Variants in LSAMP observed in about 807,000 individuals in gnomAD.
LSAMP encodes limbic system associated membrane protein.
LSAMP carries 7 observed loss-of-function variants against 38.6 expected under a neutral mutation model. The ratio of observed to expected loss-of-function variants is 0.18; its 90% CI spans 0.10 to 0.34. LSAMP has a LOEUF of 0.34. LSAMP is among the 10% of genes least tolerant of loss of function. LSAMP has a pLI of 1.00. For missense variants in LSAMP, 313 were observed against 420.0 expected, an observed-to-expected ratio of 0.75 and a Z score of 2.23; for synonymous variants, 154 against 166.8, an observed-to-expected ratio of 0.92 and a Z score of 0.59.
At chr3:115,817,070 A>G (rs1934052936) in intron 6 of LSAMP, among the ~76,000 whole-genome samples, 3 of 152,222 alleles carry the variant, frequency 2.0e-5, no homozygotes, top group Non-Finnish European at 4.4e-5. Context: ...CCAACAGATC[A>G]AGTCTATTCC....
chr3:116,431,665 A>G (rs1329309848), intron 1 of LSAMP, among the ~76,000 whole-genome samples: 1 of 152,070 alleles, frequency 6.6e-6, no homozygotes, highest in Admixed American at 6.6e-5. Context: ...TATTCTAATC[A>G]CGTCTTCATA....
intron 3 of LSAMP, among the ~76,000 whole-genome samples, chr3:115,977,679 G>A (rs1391230162): frequency 2.0e-5 from 3 of 150,254 alleles, no homozygotes; most frequent in Non-Finnish European, 4.4e-5. Flanking sequence ...TGTCCAAGCT[G>A]GGTATAACAT....
At chr3:116,192,711 A>G (rs1385185441) in intron 1 of LSAMP, among the ~76,000 whole-genome samples, 1 of 152,140 alleles carries the variant, frequency 6.6e-6, no homozygotes, top group Non-Finnish European at 1.5e-5. Flanking sequence ...CCTACTCCAA[A>G]TCATTTCTGT....
At chr3:116,403,674 T>C (rs993547568) in intron 1 of LSAMP, among the ~76,000 whole-genome samples, 2 of 152,214 alleles carry the variant, frequency 1.3e-5, no homozygotes, top group African/African-American at 4.8e-5. Context: ...TCAAGATTTA[T>C]GCAGTGAATG....
intron 1 of LSAMP, among the ~76,000 whole-genome samples, chr3:116,347,006 T>C (rs2048071721): frequency 6.6e-6 from 1 of 152,100 alleles, no homozygotes; most frequent in African/African-American, 2.4e-5. Flanking sequence ...TTTTGAAAAA[T>C]ATACAAATGA....
At chr3:116,056,942 CA>C (rs946112316) in intron 2 of LSAMP, among the ~76,000 whole-genome samples, 4 of 151,558 alleles carry the variant, frequency 2.6e-5, no homozygotes, top group East Asian at 1.9e-4. Context: ...GAGAATGACA[CA>C]AAAAAAATGG....
chr3:116,275,550 C>T (rs937979158), intron 1 of LSAMP, among the ~76,000 whole-genome samples: 1 of 149,170 alleles, frequency 6.7e-6, no homozygotes. Context: ...AGAAAAAAAT[C>T]ACAGAATTTC....
At chr3:115,907,380 G>A (rs1376628425) in intron 3 of LSAMP, among the ~76,000 whole-genome samples, 6 of 151,612 alleles carry the variant, frequency 4.0e-5, no homozygotes, top group Admixed American at 3.3e-4. Context: ...GAGGTAGCTT[G>A]TTTGCCCCAT....
At chr3:116,187,109 A>C (rs972489104) in intron 1 of LSAMP, among the ~76,000 whole-genome samples, 1 of 152,142 alleles carries the variant, frequency 6.6e-6, no homozygotes, top group Non-Finnish European at 1.5e-5. Context: ...CAACCCCTTT[A>C]TCCTTCAGCT....
At chr3:116,036,579 T>C (rs1009880847) in intron 2 of LSAMP, among the ~76,000 whole-genome samples, 1 of 152,212 alleles carries the variant, frequency 6.6e-6, no homozygotes, top group African/African-American at 2.4e-5. Context: ...GCTAAAAACC[T>C]GTAAGTGGCT....
intron 1 of LSAMP, among the ~76,000 whole-genome samples, chr3:116,313,555 C>T (rs1450400836): frequency 6.6e-6 from 1 of 152,200 alleles, no homozygotes; most frequent in Non-Finnish European, 1.5e-5. Context: ...GGGTTGGGCA[C>T]AGACTGAGAC....
intron 1 of LSAMP, among the ~76,000 whole-genome samples, chr3:116,105,230 A>T (rs575799491): frequency 7.9e-5 from 12 of 152,144 alleles, no homozygotes; most frequent in African/African-American, 2.9e-4. Context: ...ATAAAGAAAC[A>T]AATACTGCCA....
intron 1 of LSAMP, among the ~76,000 whole-genome samples, chr3:116,160,030 T>C (rs1398317648): frequency 6.6e-6 from 1 of 151,826 alleles, no homozygotes; most frequent in Admixed American, 6.6e-5. Flanking sequence ...AAACAATGAG[T>C]ACACATGGAC....
At chr3:115,883,092 T>C (rs1936363495) in intron 3 of LSAMP, among the ~76,000 whole-genome samples, 1 of 152,130 alleles carries the variant, frequency 6.6e-6, no homozygotes, top group African/African-American at 2.4e-5. Flanking sequence ...GGTCAATTCC[T>C]GTTCCACTAA....
In LSAMP at chr3:116,439,394, T is replaced by C. The variant is rs544830009; in HGVS notation, c.155+5483A>G. ...ATCACACTTGTAGTATCCTGTAGTA[T>C]CAGCATCACCTGAGAACTTGTGAGA... On this transcript the variant is annotated intron_variant, in intron 1 of 6. Coordinates refer to ENST00000490035, the MANE Select transcript of LSAMP (RefSeq NM_002338.5). Among the ~76,000 whole-genome samples, 222 of 151,638 alleles carry C rather than the reference T, an allele frequency of 1.5e-3. 1 individual carries two copies. Among genetic ancestry groups the C allele is most frequent in the Non-Finnish European group, 2.0e-3 (138 of 67,940 alleles).
intron 1 of LSAMP, among the ~76,000 whole-genome samples, chr3:116,360,266 G>A (rs1422789955): frequency 4.8e-5 from 5 of 105,184 alleles, no homozygotes; most frequent in African/African-American, 1.6e-4. Context: ...CTGGAAAATC[G>A]GGTCACTCCC....
chr3:116,340,639 G>GA (rs890419115), intron 1 of LSAMP, among the ~76,000 whole-genome samples: 3 of 151,804 alleles, frequency 2.0e-5, no homozygotes, highest in Admixed American at 2.0e-4. Flanking sequence ...ATTTATGTTA[G>GA]AAAAAAACTA....
chr3:115,919,261 T>C (rs967166080), intron 3 of LSAMP, among the ~76,000 whole-genome samples: 7 of 152,338 alleles, frequency 4.6e-5, no homozygotes, highest in Middle Eastern at 3.4e-3. Flanking sequence ...TGGGCTTTTT[T>C]GGCCCTAAGG....
chr3:116,403,805 CA>C (rs1175621030), intron 1 of LSAMP, among the ~76,000 whole-genome samples: 1 of 151,394 alleles, frequency 6.6e-6, no homozygotes, highest in Non-Finnish European at 1.5e-5. Flanking sequence ...GGTTGGAGTG[CA>C]GGGGGGGTGA....
Sources: gnomAD v4.1 joint callset for allele counts (sites outside exome capture counted in the v4.1 genomes callset) on GRCh38, gnomAD v4.1.1 for gene constraint, MANE v1.5 for transcripts, NCBI Gene and HGNC (gene_info 2026-07-23, HGNC 2026-07-21) for gene names.